Variants in CEP83 observed in about 807,000 individuals in gnomAD.
The protein encoded by CEP83 is centrosomal protein 83, also known as centrosomal protein of 83 kDa.
Under a neutral mutation model 101.9 loss-of-function variants are expected in CEP83, and 70 were observed. The ratio of observed to expected loss-of-function variants is 0.69; its 90% CI spans 0.57 to 0.84. The LOEUF is 0.84. Ranked by LOEUF, CEP83 falls within the 40% of genes least tolerant of loss-of-function variation. The pLI is 0.00. For missense variants in CEP83, 715 were observed against 787.2 expected (o/e 0.91, Z 1.10); for synonymous variants, 264 against 267.9 (o/e 0.99, Z 0.14).
intron 14 of CEP83, among the ~76,000 whole-genome samples, chr12:94,322,835 G>A (rs963365406): frequency 3.3e-5 from 5 of 152,188 alleles, no homozygotes; most frequent in African/African-American, 1.2e-4. Flanking sequence ...CCCTCCCCCT[G>A]GGAACTCTGT....
chr12:94,437,880 T>A (rs1190882173), intron 1 of CEP83, among the ~76,000 whole-genome samples: 1 of 152,154 alleles, frequency 6.6e-6, no homozygotes, highest in Non-Finnish European at 1.5e-5. Context: ...GTATCTCACA[T>A]CTCAATACTG....
chr12:94,354,841 CTG>C (rs2060372899), intron 11 of CEP83, among the ~76,000 whole-genome samples: 1 of 151,964 alleles, frequency 6.6e-6, no homozygotes, highest in South Asian at 2.1e-4. Flanking sequence ...GAAACCCTGT[CTG>C]TACTAAAAAT....
chr12:94,306,445 G>A (rs1969027169), downstream of CEP83: 1 of 152,076 alleles, frequency 6.6e-6, no homozygotes, highest in Non-Finnish European at 1.5e-5. Flanking sequence ...TCTCTATCCA[G>A]TTATACTGTA....
At chr12:94,376,938 C>A (rs1420564143) in intron 7 of CEP83, among the ~76,000 whole-genome samples, 1 of 151,924 alleles carries the variant, frequency 6.6e-6, no homozygotes. Context: ...CAGGGTTTCA[C>A]CCGTGTTGTT....
At chr12:94,418,976 A>G (rs865792221) in intron 2 of CEP83, among the ~76,000 whole-genome samples, 18 of 152,232 alleles carry the variant, frequency 1.2e-4, no homozygotes, top group Middle Eastern at 3.4e-3. Context: ...TCAAAACAAG[A>G]AAGTCCATTA....
At chr12:94,393,916 A>G (rs2062722404) in intron 6 of CEP83, among the ~76,000 whole-genome samples, 1 of 152,234 alleles carries the variant, frequency 6.6e-6, no homozygotes, top group South Asian at 2.1e-4. Flanking sequence ...CCAACTTACA[A>G]GGGATGTGAA....
chr12:94,288,594 T>C, the CEP83 span, among the ~76,000 whole-genome samples: 1 of 152,256 alleles, frequency 6.6e-6, no homozygotes. Flanking sequence ...TCTGTGTGAT[T>C]TGACCAGCCT....
intron 7 of CEP83, 108 bp from the exon 8 acceptor site, chr12:94,376,125 C>T: frequency 2.9e-6 from 2 of 680,030 alleles, no homozygotes; most frequent in East Asian, 6.9e-5. Context: ...TATTCAAAAC[C>T]TCAACTTAAC....
At chr12:94,315,720 AGGTGTAT>A (rs751430865) in intron 14 of CEP83, among the ~76,000 whole-genome samples, 1 of 151,306 alleles carries the variant, frequency 6.6e-6, no homozygotes, top group African/African-American at 2.4e-5. Context: ...TATCACACTT[AGGTGTAT>A]GGTTCATTTT....
Position 94,308,914 on chromosome 12 carries a change from C to A in CEP83, c.2005G>T (p.Glu669Ter), listed in dbSNP as rs760767816. The change falls in exon 17 of 17, where the codon GAA (glutamate) becomes TAA (stop). Residue 669 changes from glutamate (E) to a stop codon, truncating the protein, a stop_gained. Coordinates refer to ENST00000397809, the MANE Select transcript of CEP83 (RefSeq NM_016122.3). LOFTEE classifies it high-confidence loss of function. ...AGAGAGAGTTCCCTTTGATGTTGTT[C>A]CTCCTTAAAATGATGTAGAGAAAGC... ...ELPFPPHMQE[E>*]QHQRELSLLR... The A allele has an allele frequency of 1.4e-5, 22 of 1,604,768 alleles. No homozygotes were observed. Among genetic ancestry groups the A allele is most frequent in the Non-Finnish European group, 1.6e-5 (19 of 1,172,048 alleles).
chr12:94,393,345 C>T (rs1034315828), intron 6 of CEP83, among the ~76,000 whole-genome samples: 2 of 152,140 alleles, frequency 1.3e-5, no homozygotes, highest in African/African-American at 4.8e-5. Flanking sequence ...AAACATAATC[C>T]AGCATATAAA....
chr12:94,366,443 AAT>A (rs2061032502), intron 11 of CEP83, among the ~76,000 whole-genome samples: 1 of 152,188 alleles, frequency 6.6e-6, no homozygotes, highest in African/African-American at 2.4e-5. Flanking sequence ...ATGAGTTAGC[AAT>A]TCTAAAACAA....
At chr12:94,337,882 G>A (rs1388899570) in intron 11 of CEP83, among the ~76,000 whole-genome samples, 1 of 152,116 alleles carries the variant, frequency 6.6e-6, no homozygotes, top group African/African-American at 2.4e-5. Context: ...AATGGATGAA[G>A]GTACCGGAAT....
chr12:94,295,257 C>G, the CEP83 span, among the ~76,000 whole-genome samples: 57 of 152,336 alleles, frequency 3.7e-4, 1 homozygote, highest in African/African-American at 1.1e-3. Flanking sequence ...CAGGGAGCAT[C>G]TGGCCAGTGC....
chr12:94,331,783 G>A lies in CEP83; in HGVS notation c.1624C>T (p.Leu542Phe), dbSNP rs1173677924. The A allele has an allele frequency of 1.2e-6, 2 of 1,612,926 alleles. No homozygotes were observed. The highest frequency in any genetic ancestry group is 2.2e-5 in the East Asian group (1 of 44,876). Residue 542 changes from leucine (L) to phenylalanine (F), a missense_variant, in exon 14 of 17, where the codon CTT becomes TTT. Coordinates refer to ENST00000397809, the MANE Select transcript of CEP83 (RefSeq NM_016122.3). ...QIQWLEEKHKLHERITDREEK... is the reference protein window; with the variant it reads ...QIQWLEEKHKFHERITDREEK... ...TCTCTGTCTGTGATACGCTCATGAAGCTTATGCTTTTCTTCCAACCACTGT... is the reference window on the plus strand; with the variant it reads ...TCTCTGTCTGTGATACGCTCATGAAACTTATGCTTTTCTTCCAACCACTGT...
At chr12:94,405,634 A>G (rs993780485) in intron 4 of CEP83, among the ~76,000 whole-genome samples, 23 of 152,226 alleles carry the variant, frequency 1.5e-4, no homozygotes, top group Non-Finnish European at 3.4e-4. Context: ...CAAACAAAAG[A>G]ACAGACAAAA....
At chr12:94,299,200 T>C in the CEP83 span, among the ~76,000 whole-genome samples, 2 of 152,226 alleles carry the variant, frequency 1.3e-5, no homozygotes, top group African/African-American at 4.8e-5. Context: ...TCTGATTCTG[T>C]ACAGAAATTT....
chr12:94,428,015 C>G (rs2065339173), intron 2 of CEP83, among the ~76,000 whole-genome samples: 1 of 152,094 alleles, frequency 6.6e-6, no homozygotes, highest in South Asian at 2.1e-4. Context: ...CAAGGGAGAG[C>G]AAGGAATGAG....
downstream of CEP83, among the ~76,000 whole-genome samples, chr12:94,302,897 T>G (rs1449936139): frequency 1.3e-5 from 2 of 152,176 alleles, no homozygotes; most frequent in Non-Finnish European, 2.9e-5. Context: ...ATTGAATGAA[T>G]GAATGATAGC....
Sources: gnomAD v4.1 joint callset for allele counts (sites outside exome capture counted in the v4.1 genomes callset) on GRCh38, gnomAD v4.1.1 for gene constraint, MANE v1.5 for transcripts, NCBI Gene and HGNC (gene_info 2026-07-23, HGNC 2026-07-21) for gene names.